The following PTGIS variants were observed in gnomAD, a reference collection of about 807,000 sequenced individuals.
PTGIS encodes prostacyclin synthase.
A neutral mutation model predicts 50.3 loss-of-function variants in PTGIS; 45 were observed. The observed-to-expected ratio is 0.90, with a 90% confidence interval of 0.70 to 1.15. The LOEUF is 1.15. Ranked by LOEUF, PTGIS falls within the 50% of genes most tolerant of loss-of-function variation. PTGIS has a pLI of 0.00. For synonymous variants in PTGIS, 260 were observed against 267.7 expected (o/e 0.97, Z 0.28); for missense variants, 668 against 661.3 (o/e 1.01, Z -0.11).
chr20:49,547,678 C>T (rs1426830925), intron 3 of PTGIS, among the ~76,000 whole-genome samples, 163 bp downstream of exon 3: 2 of 152,188 alleles, frequency 1.3e-5, no homozygotes, highest in African/African-American at 4.8e-5. Context: ...TCTTCTTCCA[C>T]CCAATTCTTT....
At position 49,522,419 on chromosome 20, in the gene PTGIS, C is replaced by T. The variant is rs1981673310; in HGVS notation, c.855+1639G>A. 2.0e-5 allele frequency among the ~76,000 whole-genome samples: 3 copies of T among 152,186 alleles called. No homozygotes were observed. In the South Asian group the frequency reaches 6.2e-4, roughly 32 times the overall value. On this transcript the variant is annotated intron_variant, in intron 6 of 9. Transcript: ENST00000244043. ...TCACCTTGTATATGTTTCCTTGACTCTCTGCCCCCTGTCCTCCTGACCCCC... is the reference window on the plus strand; with the variant it reads ...TCACCTTGTATATGTTTCCTTGACTTTCTGCCCCCTGTCCTCCTGACCCCC...
rs569876620 is a variant in PTGIS at position 49,506,128 on chromosome 20, C to T, written c.*1792G>A. ...ATTTGCTCCTGGGACAGTAAATCTG[C>T]CTGCAGAGTTCTACAGCTTATGAGC... On this transcript the variant is annotated 3_prime_UTR_variant, in exon 10 of 10. Coordinates refer to ENST00000244043, the MANE Select transcript of PTGIS (RefSeq NM_000961.4). The T allele has an allele frequency of 2.0e-5, 3 of 152,710 alleles. No homozygotes were observed. The highest frequency in any genetic ancestry group is 1.3e-4 in the Admixed American group (2 of 15,282). 9.5% of individuals were successfully genotyped at this position (152,710 alleles called of 1,614,324 possible).
intron 1 of PTGIS, among the ~76,000 whole-genome samples, chr20:49,553,580 A>C (rs1982560784): frequency 6.6e-6 from 1 of 152,024 alleles, no homozygotes; most frequent in Non-Finnish European, 1.5e-5. Flanking sequence ...GATACCCATT[A>C]AATGTCTGGG....
At chr20:49,529,801 C>T (rs578035609) in intron 5 of PTGIS, among the ~76,000 whole-genome samples, 2 of 152,104 alleles carry the variant, frequency 1.3e-5, no homozygotes, top group African/African-American at 2.4e-5. Flanking sequence ...TACAGTATAT[C>T]GTTATAATTG....
intron 5 of PTGIS, among the ~76,000 whole-genome samples, chr20:49,536,904 G>C (rs574748344): frequency 2.6e-5 from 4 of 152,296 alleles, no homozygotes; most frequent in South Asian, 2.1e-4. Flanking sequence ...GATGCTGGGA[G>C]GGGGAGCTGG....
intron 6 of PTGIS, among the ~76,000 whole-genome samples, chr20:49,522,885 G>A (rs1343008740): frequency 5.3e-5 from 8 of 151,890 alleles, no homozygotes; most frequent in African/African-American, 1.2e-4. Flanking sequence ...TTAGCTGGAC[G>A]TGGTGGCATG....
At chr20:49,520,019 AAGAC>A (rs1243350274) in intron 6 of PTGIS, among the ~76,000 whole-genome samples, 1 of 151,684 alleles carries the variant, frequency 6.6e-6, no homozygotes, top group Admixed American at 6.6e-5. Flanking sequence ...TCTAAAGCGA[AAGAC>A]AGGCCAGGTT....
At chr20:49,522,708 A>C (rs1364244597) in intron 6 of PTGIS, among the ~76,000 whole-genome samples, 1 of 152,202 alleles carries the variant, frequency 6.6e-6, no homozygotes, top group African/African-American at 2.4e-5. Flanking sequence ...AGAAACAATG[A>C]AACGCACAGA....
At chr20:49,538,287 G>T (rs1400578392) in intron 5 of PTGIS, among the ~76,000 whole-genome samples, 1 of 93,576 alleles carries the variant, frequency 1.1e-5, no homozygotes, top group African/African-American at 4.4e-5. Context: ...AAAAAAAAAA[G>T]GCATGCTGGC....
At chr20:49,555,199 G>A (rs1040009867) in intron 1 of PTGIS, among the ~76,000 whole-genome samples, 1 of 152,098 alleles carries the variant, frequency 6.6e-6, no homozygotes, top group Admixed American at 6.6e-5. Flanking sequence ...CTTGAACCTG[G>A]GAGGTGGAGG....
rs764225650 is a variant in PTGIS at position 49,524,028 on chromosome 20, G to A, written c.855+30C>T. The stretch of plus-strand genomic sequence containing the variant: ...ATATCGCAACCACACATGCACACCT[G>A]CACACACCCACTTGCACATTCACAC... On this transcript the variant is annotated intron_variant, in intron 6 of 9. Transcript: ENST00000244043. 5.6e-6 allele frequency: 9 copies of A among 1,613,176 alleles called. No homozygotes were observed. In the African/African-American group the frequency reaches 1.2e-4, roughly 22 times the overall value.
In PTGIS at chr20:49,513,188, G is replaced by A. The variant is rs1568668667; in HGVS notation, c.1098C>T (p.Ala366=). The part of the protein sequence containing the change: ...FITREVVVDL[A]MPMADGREFN... ...ATTCTCGCCCGTCTGCCATGGGCAT[G>A]GCCAGGTCCACCACAACCTCGCGGG... is the stretch of plus-strand genomic sequence containing the variant. Residue 366 remains alanine (A), a synonymous_variant, in exon 8 of 10, where the codon GCC becomes GCT. Transcript: ENST00000244043. 2 of 1,614,152 alleles carry A rather than the reference G, an allele frequency of 1.2e-6. No homozygotes were observed. The highest frequency in any genetic ancestry group is 1.1e-5 in the South Asian group (1 of 91,086).
In PTGIS at chr20:49,507,872, G is replaced by A. The variant is rs752096072; in HGVS notation, c.*48C>T. ...GAAAGCTGGGAGGCTGGGGCAGGCT[G>A]GGGCAGGCTGGGCAGAGGCGAGCAC... On this transcript the variant is annotated 3_prime_UTR_variant, in exon 10 of 10. Coordinates refer to ENST00000244043, the MANE Select transcript of PTGIS (RefSeq NM_000961.4). 6.2e-7 allele frequency: 1 copy of A among 1,603,550 alleles called. No individual in the cohort carries two copies. Among genetic ancestry groups the A allele is most frequent in the Non-Finnish European group, 8.5e-7 (1 of 1,179,538 alleles).
chr20:49,536,454 T>TTTTCTTTCTTTCTTTC (rs1159152340), intron 5 of PTGIS, among the ~76,000 whole-genome samples: 3 of 142,220 alleles, frequency 2.1e-5, no homozygotes, highest in Admixed American at 7.1e-5. Context: ...TCTTTTTTTC[T>TTTTCTTTCTTTCTTTC]TTTCTTTCTT....
At chr20:49,533,178 T>TA (rs1313009993) in intron 5 of PTGIS, among the ~76,000 whole-genome samples, 1 of 152,170 alleles carries the variant, frequency 6.6e-6, no homozygotes, top group African/African-American at 2.4e-5. Flanking sequence ...GAAAGCCCTC[T>TA]AGGCCCTCTA....
At position 49,540,520 on chromosome 20, in the gene PTGIS, G is replaced by T. The variant is rs1300078845; in HGVS notation, c.522-799C>A. The stretch of plus-strand genomic sequence containing the variant: ...TGTCAGGGCTGGCCACGCAAGGCAG[G>T]CATTTGCAGCAGTGAGAAGGTTGTG... On this transcript the variant is annotated intron_variant, in intron 4 of 9. Coordinates refer to ENST00000244043, the MANE Select transcript of PTGIS (RefSeq NM_000961.4). This position sits in a 1 kb window ranked among gnomAD's most constrained non-coding sequence, Gnocchi z 4.8. 6.6e-6 allele frequency among the ~76,000 whole-genome samples: 1 copy of T among 152,170 alleles called. No homozygotes were observed. The highest frequency in any genetic ancestry group is 1.5e-5 in the Non-Finnish European group (1 of 68,016).
Position 49,513,189 on chromosome 20 carries a change from G to A in PTGIS, c.1097C>T (p.Ala366Val), listed in dbSNP as rs903208149. 12 of 1,614,142 alleles carry A rather than the reference G, an allele frequency of 7.4e-6. No homozygotes were observed. The highest frequency in any genetic ancestry group is 1.0e-5 in the Non-Finnish European group (12 of 1,180,036). ...TTCTCGCCCGTCTGCCATGGGCATG[G>A]CCAGGTCCACCACAACCTCGCGGGT... Reference protein sequence around the residue: ...FITREVVVDLAMPMADGREFN... With the variant: ...FITREVVVDLVMPMADGREFN... The change falls in exon 8 of 10, where the codon GCC (alanine) becomes GTC (valine). Residue 366 changes from alanine (A) to valine (V), a missense_variant. Transcript: ENST00000244043.
intron 5 of PTGIS, among the ~76,000 whole-genome samples, chr20:49,525,865 A>AC (rs1182436891): frequency 6.6e-6 from 1 of 151,778 alleles, no homozygotes; most frequent in Non-Finnish European, 1.5e-5. Flanking sequence ...ACCTGGCTGC[A>AC]CCTCACAGGG....
intron 2 of PTGIS, 104 bp from the exon 3 acceptor site, chr20:49,548,123 G>T: frequency 9.5e-7 from 1 of 1,052,234 alleles, no homozygotes; most frequent in Non-Finnish European, 1.4e-6. Flanking sequence ...CCACTGGACA[G>T]TAACACACTA....
Sources: allele counts gnomAD v4.1 joint callset (sites outside exome capture counted in the v4.1 genomes callset), GRCh38; gene constraint gnomAD v4.1.1; non-coding constraint Gnocchi (gnomAD v3.1); transcripts MANE v1.5; gene names NCBI Gene and HGNC (gene_info 2026-07-23, HGNC 2026-07-21).